The following TNNI3K variants were observed in gnomAD, a reference collection of about 807,000 sequenced individuals.
The protein encoded by TNNI3K is serine/threonine-protein kinase TNNI3K.
A neutral mutation model predicts 114.5 loss-of-function variants in TNNI3K; 140 were observed. The ratio of observed to expected loss-of-function variants is 1.22; its 90% confidence interval spans 1.07 to 1.41. The LOEUF is 1.41. Among genes scored for constraint, TNNI3K ranks in the 40% most tolerant of loss-of-function variants. The probability of loss-of-function intolerance (pLI) is 0.00; values close to 1 mark genes in which losing one functional copy is unlikely to be tolerated. For synonymous variants in TNNI3K, 347 were observed against 347.5 expected, an observed-to-expected ratio of 1.00 and a Z score of 0.02; for missense variants, 1,125 against 1,007.6, an observed-to-expected ratio of 1.12 and a Z score of -1.58.
At chr1:74,413,637 A>C (rs1183411184) in intron 17 of TNNI3K, among the ~76,000 whole-genome samples, 2 of 152,220 alleles carry the variant, frequency 1.3e-5, no homozygotes, top group Non-Finnish European at 2.9e-5. Context: ...GATTGGAGGC[A>C]CTTTAATTCT....
intron 18 of TNNI3K, 22 bp downstream of exon 18, chr1:74,436,154 T>A (rs1460284749): frequency 1.2e-6 from 2 of 1,610,674 alleles, no homozygotes; most frequent in Admixed American, 3.4e-5. Context: ...CAAAATGGCA[T>A]CCTTTTTTTC....
chr1:74,364,445 C>T (rs776670999), intron 11 of TNNI3K, among the ~76,000 whole-genome samples: 1 of 151,816 alleles, frequency 6.6e-6, no homozygotes, highest in Non-Finnish European at 1.5e-5. Flanking sequence ...ATTCATGAAA[C>T]TGGATGTGGT....
At chr1:74,360,070 T>C (rs1388087179) in intron 11 of TNNI3K, among the ~76,000 whole-genome samples, 1 of 152,020 alleles carries the variant, frequency 6.6e-6, no homozygotes, top group African/African-American at 2.4e-5. Flanking sequence ...TTTTGCTTAA[T>C]AAGTACATTT....
At chr1:74,468,955 T>G (rs1422242625) in intron 21 of TNNI3K, 1 of 152,192 alleles carries the variant, frequency 6.6e-6, no homozygotes, top group Non-Finnish European at 1.5e-5. Context: ...TTTTTAAATT[T>G]AATATTTATA....
At chr1:74,328,216 A>G (rs940922295) in intron 5 of TNNI3K, among the ~76,000 whole-genome samples, 6 of 152,258 alleles carry the variant, frequency 3.9e-5, no homozygotes, top group Non-Finnish European at 5.9e-5. Flanking sequence ...TTGGATGCCT[A>G]TTACCTACCT....
chr1:74,259,365 GA>G (rs1655529834), intron 4 of TNNI3K, among the ~76,000 whole-genome samples: 1 of 152,180 alleles, frequency 6.6e-6, no homozygotes, highest in Admixed American at 6.5e-5. Flanking sequence ...GCAGAATATG[GA>G]TGTCTCAGCT....
At chr1:74,421,019 G>A (rs45593231) in intron 17 of TNNI3K, among the ~76,000 whole-genome samples, 1,839 of 152,144 alleles carry the variant, frequency 0.012, 40 homozygotes, top group African/African-American at 0.042. Flanking sequence ...CACATGCTTA[G>A]CGTTCCAATA....
chr1:74,267,874 G>A (rs1339900004), intron 4 of TNNI3K, among the ~76,000 whole-genome samples: 2 of 151,776 alleles, frequency 1.3e-5, no homozygotes, highest in African/African-American at 4.8e-5. Context: ...GACTGAATAA[G>A]GAGAAAAAAC....
At chr1:74,476,104 A>C (rs780296743) in intron 21 of TNNI3K, among the ~76,000 whole-genome samples, 18 of 152,172 alleles carry the variant, frequency 1.2e-4, no homozygotes, top group Non-Finnish European at 2.4e-4. Context: ...AAGATAAAAC[A>C]GTTCCTGCAG....
intron 5 of TNNI3K, among the ~76,000 whole-genome samples, chr1:74,288,801 T>C (rs1250566700): frequency 1.3e-5 from 2 of 152,112 alleles, no homozygotes; most frequent in East Asian, 3.8e-4. Flanking sequence ...TGTGAGGTGA[T>C]GGATATGATC....
intron 5 of TNNI3K, among the ~76,000 whole-genome samples, chr1:74,287,225 TCAA>T (rs746500110): frequency 2.6e-5 from 4 of 151,968 alleles, no homozygotes; most frequent in African/African-American, 2.4e-5. Context: ...TTTTGGTACA[TCAA>T]CAAGTAAACC....
rs182688620 is a variant in TNNI3K, at chr1:74,238,520, A to G, written c.149+2310A>G. ...AGTGAGAGTAACAAATAGCTTATTA[A>G]AAGTTAGAAAGAGTGAAAGTTTTTA... is the stretch of plus-strand genomic sequence containing the variant. On this transcript the variant is annotated intron_variant, in intron 2 of 24. Transcript: ENST00000326637. Among the ~76,000 whole-genome samples the G allele has an allele frequency of 2.2e-3, 338 of 152,192 alleles. 3 individuals carry two copies. The highest frequency in any genetic ancestry group is 7.8e-4 in the Non-Finnish European group (53 of 67,942).
intron 7 of TNNI3K, 41 bp from the exon 8 acceptor site, chr1:74,342,801 A>G: frequency 1.9e-6 from 3 of 1,610,234 alleles, no homozygotes; most frequent in Non-Finnish European, 2.5e-6. Flanking sequence ...AGAAACAAAC[A>G]ATTCTAGATA....
At chr1:74,306,825 T>C (rs1037783163) in intron 5 of TNNI3K, among the ~76,000 whole-genome samples, 2 of 152,294 alleles carry the variant, frequency 1.3e-5, no homozygotes, top group African/African-American at 2.4e-5. Flanking sequence ...GTTTACTCTG[T>C]TGATAGTTTC....
chr1:74,439,875 T>C (rs547685572), intron 20 of TNNI3K, among the ~76,000 whole-genome samples: 33 of 152,160 alleles, frequency 2.2e-4, no homozygotes, highest in African/African-American at 7.5e-4. Flanking sequence ...TTATTGATTG[T>C]TAATAAAACA....
chr1:74,403,188 C>T (rs1664456953), intron 17 of TNNI3K, among the ~76,000 whole-genome samples: 1 of 152,104 alleles, frequency 6.6e-6, no homozygotes, highest in East Asian at 1.9e-4. Flanking sequence ...AGTCACATCT[C>T]CTGGTTTCAT....
intron 9 of TNNI3K, among the ~76,000 whole-genome samples, chr1:74,348,054 A>G (rs1373992057): frequency 2.0e-5 from 3 of 152,122 alleles, no homozygotes; most frequent in Admixed American, 6.5e-5. Flanking sequence ...TTGGTGTTTT[A>G]GACATGAAGT....
intron 24 of TNNI3K, among the ~76,000 whole-genome samples, chr1:74,543,497 TTACAGATGA>T (rs1387674374): frequency 6.6e-6 from 1 of 152,196 alleles, no homozygotes; most frequent in African/African-American, 2.4e-5. Flanking sequence ...TTTCTCCCAT[TTACAGATGA>T]ACACACCGAG....
intron 23 of TNNI3K, among the ~76,000 whole-genome samples, chr1:74,527,933 A>T (rs550650850): frequency 5.3e-5 from 8 of 152,246 alleles, no homozygotes; most frequent in Middle Eastern, 3.4e-3. Context: ...TGTCAGAACA[A>T]AAGTGGGAGA....
Sources: gnomAD v4.1 joint callset for allele counts (sites outside exome capture counted in the v4.1 genomes callset) on GRCh38, gnomAD v4.1.1 for gene constraint, MANE v1.5 for transcripts, NCBI Gene and HGNC (gene_info 2026-07-23, HGNC 2026-07-21) for gene names.